The following CFH variants were observed in gnomAD, a reference collection of about 807,000 sequenced individuals.
CFH encodes the protein complement factor H, also known as H factor 1 (complement).
CFH carries 53 observed loss-of-function variants against 147.3 expected under a neutral mutation model. The ratio of observed to expected loss-of-function variants is 0.36; its 90% CI spans 0.29 to 0.45. The LOEUF (loss-of-function observed/expected upper bound fraction) is 0.45. Ranked by LOEUF, CFH falls within the 20% of genes least tolerant of loss-of-function variation. The pLI is 1.00. For missense variants in CFH, 1,380 were observed against 1,498.0 expected, an observed-to-expected ratio of 0.92 and a Z score of 1.30; for synonymous variants, 536 against 489.4, an observed-to-expected ratio of 1.10 and a Z score of -1.26.
intron 1 of CFH, among the ~76,000 whole-genome samples, chr1:196,670,566 C>T (rs1444838275): frequency 6.6e-6 from 1 of 152,146 alleles, no homozygotes; most frequent in Non-Finnish European, 1.5e-5. Flanking sequence ...CTCTTGCCAT[C>T]ATGTGAAGAG....
chr1:196,736,769 A>G, intron 15 of CFH, 55 bp from the exon 16 acceptor site: 3 of 910,586 alleles, frequency 3.3e-6, no homozygotes, highest in Non-Finnish European at 4.3e-6. Flanking sequence ...TAATTTTAAT[A>G]TTTTTATTTT....
At position 196,677,669 on chromosome 1, in the gene CFH, T is replaced by C; in HGVS notation, c.619+2T>C. ...GTAAAGAGAAACCAAAGTGTGTGGG[T>C]AAGATACACTTACTGTTTTAGTATT... On this transcript the variant is annotated splice_donor_variant, in intron 5 of 21. Coordinates refer to ENST00000367429, the MANE Select transcript of CFH (RefSeq NM_000186.4). LOFTEE classifies it high-confidence loss of function. 6.2e-7 allele frequency: 1 copy of C among 1,609,720 alleles called. No individual in the cohort carries two copies. The highest frequency in any genetic ancestry group is 8.5e-7 in the Non-Finnish European group (1 of 1,176,280).
At chr1:196,675,684 T>G (rs879597670) in intron 3 of CFH, among the ~76,000 whole-genome samples, 2 of 152,060 alleles carry the variant, frequency 1.3e-5, no homozygotes, top group Admixed American at 1.3e-4. Context: ...CCAAGGATTA[T>G]GATTATTTTC....
intron 15 of CFH, among the ~76,000 whole-genome samples, chr1:196,728,870 T>A (rs575188506): frequency 6.6e-6 from 1 of 152,076 alleles, no homozygotes; most frequent in African/African-American, 2.4e-5. Context: ...CAATAACTAC[T>A]ATGTATCTGT....
intron 1 of CFH, 139 bp from the exon 2 acceptor site, chr1:196,672,839 G>T (rs770964312): frequency 9.2e-6 from 6 of 652,894 alleles, no homozygotes; most frequent in Non-Finnish European, 1.1e-5. Flanking sequence ...TAGATATGGG[G>T]TTAGGAGAGA....
intron 16 of CFH, among the ~76,000 whole-genome samples, 181 bp downstream of exon 16, chr1:196,737,187 C>A (rs977527227): frequency 6.6e-6 from 1 of 151,988 alleles, no homozygotes; most frequent in African/African-American, 2.4e-5. Context: ...CAAAATACAG[C>A]CAAAATCTTT....
chr1:196,701,479 C>A, intron 9 of CFH: 4 of 1,219,158 alleles, frequency 3.3e-6, no homozygotes, highest in Non-Finnish European at 3.5e-6. Context: ...ATTATTCCAG[C>A]CAGAATGGGA....
chr1:196,708,314 T>C (rs1573048830), intron 9 of CFH, among the ~76,000 whole-genome samples: 2 of 152,172 alleles, frequency 1.3e-5, no homozygotes, highest in African/African-American at 2.4e-5. Context: ...TATGACTACC[T>C]ATCTGCACCA....
At chr1:196,725,418 C>A in intron 12 of CFH, 121 bp downstream of exon 12, 2 of 926,602 alleles carry the variant, frequency 2.2e-6, no homozygotes, top group Non-Finnish European at 3.4e-6. Flanking sequence ...CAAATATTTG[C>A]CTGTGAAGGA....
intron 9 of CFH, among the ~76,000 whole-genome samples, chr1:196,703,982 CAAAAAAAAA>C (rs386369224): frequency 8.3e-5 from 5 of 60,596 alleles, no homozygotes; most frequent in African/African-American, 1.4e-4. Context: ...AAGACTCTGT[CAAAAAAAAA>C]AAAAAAAAAA....
At chr1:196,743,784 C>A (rs1457494027) in intron 20 of CFH, among the ~76,000 whole-genome samples, 156 bp downstream of exon 20, 1 of 152,084 alleles carries the variant, frequency 6.6e-6, no homozygotes, top group Non-Finnish European at 1.5e-5. Flanking sequence ...GTGAACAGAA[C>A]ACAAGTAATA....
intron 1 of CFH, among the ~76,000 whole-genome samples, chr1:196,660,591 A>G (rs1204955279): frequency 6.6e-6 from 1 of 152,202 alleles, no homozygotes; most frequent in Non-Finnish European, 1.5e-5. Context: ...TAGTAGGAGC[A>G]AGGGAAAATA....
At chr1:196,672,879 C>G (rs1667330022) in intron 1 of CFH, 99 bp from the exon 2 acceptor site, 1 of 906,232 alleles carries the variant, frequency 1.1e-6, no homozygotes, top group South Asian at 1.6e-5. Flanking sequence ...TTAGATAGAC[C>G]TGTGACTGTC....
chr1:196,724,509 G>A (rs571422112), intron 11 of CFH, among the ~76,000 whole-genome samples: 373 of 152,236 alleles, frequency 2.5e-3, no homozygotes, highest in African/African-American at 8.7e-3. Context: ...TGAGCTGCAG[G>A]GAGCCCAGAA....
At chr1:196,700,564 G>T (rs1261218703) in intron 9 of CFH, among the ~76,000 whole-genome samples, 1 of 149,760 alleles carries the variant, frequency 6.7e-6, no homozygotes, top group Non-Finnish European at 1.5e-5. Flanking sequence ...TGAGGCTGGA[G>T]AATCACTTGA....
At chr1:196,704,374 T>C (rs543816822) in intron 9 of CFH, among the ~76,000 whole-genome samples, 2 of 152,294 alleles carry the variant, frequency 1.3e-5, no homozygotes, top group Admixed American at 1.3e-4. Flanking sequence ...GGAGCTGGGA[T>C]TACAGGTGTG....
intron 17 of CFH, among the ~76,000 whole-genome samples, chr1:196,739,950 C>A (rs1333381141): frequency 6.6e-6 from 1 of 152,150 alleles, no homozygotes; most frequent in Non-Finnish European, 1.5e-5. Flanking sequence ...AAACTTACAA[C>A]CCTGGTGGAA....
At chr1:196,675,856 A>G in intron 3 of CFH, 133 bp from the exon 4 acceptor site, 2 of 568,430 alleles carry the variant, frequency 3.5e-6, no homozygotes, top group Non-Finnish European at 6.3e-6. Context: ...CAAACAAGAA[A>G]CAAGAAACAA....
chr1:196,722,034 T>C (rs1669013030), intron 11 of CFH, among the ~76,000 whole-genome samples: 1 of 152,086 alleles, frequency 6.6e-6, no homozygotes, highest in Non-Finnish European at 1.5e-5. Flanking sequence ...ACATTTAATC[T>C]ATTTATGTTA....
Sources: gnomAD v4.1 joint callset for allele counts (sites outside exome capture counted in the v4.1 genomes callset) on GRCh38, gnomAD v4.1.1 for gene constraint, MANE v1.5 for transcripts, NCBI Gene and HGNC (gene_info 2026-07-23, HGNC 2026-07-21) for gene names.